Variants in ARSJ observed in about 807,000 individuals in gnomAD.
ARSJ encodes arylsulfatase J.
In ARSJ, 26 loss-of-function variants were observed where a neutral mutation model predicts 35.9. That is an observed-to-expected ratio of 0.72 (90% CI 0.53 to 1.00). The LOEUF is 1.00. ARSJ is among the 50% of genes least tolerant of loss of function. The pLI, the probability that ARSJ is intolerant of heterozygous loss-of-function variation, is 0.00. For synonymous variants in ARSJ, 294 were observed against 267.6 expected (o/e 1.10, Z -0.96); for missense variants, 667 against 723.6 (o/e 0.92, Z 0.90).
intron 1 of ARSJ, among the ~76,000 whole-genome samples, chr4:113,916,916 G>A (rs917406043): frequency 2.4e-4 from 37 of 152,154 alleles, no homozygotes; most frequent in African/African-American, 8.0e-4. Flanking sequence ...TAACAAGGAG[G>A]ATAGGTGCTG....
At chr4:113,940,003 G>C (rs1052283156) in intron 1 of ARSJ, among the ~76,000 whole-genome samples, 5 of 152,064 alleles carry the variant, frequency 3.3e-5, no homozygotes, top group Admixed American at 1.3e-4. Context: ...AGATGCTGGC[G>C]AGGCTGTGGA....
chr4:113,914,605 T>G (rs1305006306), intron 1 of ARSJ, among the ~76,000 whole-genome samples: 2 of 152,204 alleles, frequency 1.3e-5, no homozygotes, highest in Admixed American at 1.3e-4. Context: ...ATGAAAGTAT[T>G]TCATGTCAAA....
At position 113,900,537 on chromosome 4, in the gene ARSJ, T is replaced by C. The variant is rs1029262832; in HGVS notation, c.*1737A>G. On this transcript the variant is annotated 3_prime_UTR_variant, in exon 2 of 2. Coordinates refer to ENST00000315366, the MANE Select transcript of ARSJ (RefSeq NM_024590.4). ...ATGGATTATATCACAGTCCTTTGAGTTGTGATATAAATGGATTATATCACA... is the reference window on the plus strand; with the variant it reads ...ATGGATTATATCACAGTCCTTTGAGCTGTGATATAAATGGATTATATCACA... 3.9e-5 allele frequency: 6 copies of C among 152,138 alleles called. No individual in the cohort carries two copies. Among genetic ancestry groups the C allele is most frequent in the African/African-American group, 1.4e-4 (6 of 41,440 alleles). 9.4% of individuals were successfully genotyped at this position (152,138 alleles called of 1,614,324 possible).
intron 1 of ARSJ, among the ~76,000 whole-genome samples, chr4:113,908,223 A>G (rs2099669355): frequency 6.6e-6 from 1 of 152,240 alleles, no homozygotes; most frequent in Admixed American, 6.5e-5. Flanking sequence ...GGATCTCAGG[A>G]TTAAAATGGA....
chr4:113,926,542 G>A (rs1455077185), intron 1 of ARSJ, among the ~76,000 whole-genome samples: 1 of 152,148 alleles, frequency 6.6e-6, no homozygotes, highest in East Asian at 1.9e-4. Context: ...AAGGCCATTG[G>A]TGCATGCTGG....
At position 113,901,275 on chromosome 4, in the gene ARSJ, A is replaced by T. The variant is rs923907462; in HGVS notation, c.*999T>A. The T allele has an allele frequency of 3.3e-5, 5 of 152,198 alleles. No individual in the cohort carries two copies. The highest frequency in any genetic ancestry group is 1.2e-4 in the African/African-American group (5 of 41,458). 9.4% of individuals were successfully genotyped at this position (152,198 alleles called of 1,614,324 possible). ...TTGTCTCAACTCTGCACAAACATTGAATTTCCAAGTAATTTGTAAGGAATA... is the reference window on the plus strand; with the variant it reads ...TTGTCTCAACTCTGCACAAACATTGTATTTCCAAGTAATTTGTAAGGAATA... On this transcript the variant is annotated 3_prime_UTR_variant, in exon 2 of 2. Transcript: ENST00000315366.
intron 1 of ARSJ, chr4:113,906,878 C>A: frequency 3.1e-6 from 1 of 323,852 alleles, no homozygotes; most frequent in South Asian, 2.5e-5. Context: ...GTGTCACTAA[C>A]ATTTGCATAA....
intron 1 of ARSJ, among the ~76,000 whole-genome samples, chr4:113,911,855 G>A (rs1472776897): frequency 6.6e-6 from 1 of 152,152 alleles, no homozygotes; most frequent in Non-Finnish European, 1.5e-5. Context: ...GTGAGATGAT[G>A]AGTGTGTTAA....
In ARSJ at chr4:113,903,338, C is replaced by T. The variant is rs368878999; in HGVS notation, c.736G>A (p.Val246Ile). 50 of 1,614,004 alleles carry T rather than the reference C, an allele frequency of 3.1e-5. No individual in the cohort carries two copies. Among genetic ancestry groups the T allele is most frequent in the Non-Finnish European group, 4.2e-5 (49 of 1,180,028 alleles). The change falls in exon 2 of 2, where the codon GTA (valine) becomes ATA (isoleucine). Residue 246 changes from valine to isoleucine, a missense_variant. By Grantham distance (29) the Val-to-Ile change is conservative. Transcript: ENST00000315366. ...TTATGGGAAGCTAAGATTTGCTGTA[C>T]TCTCTGAGTGTACATCTGTGTGGAG... Reference protein sequence around the residue: ...IYSTQMYTQRVQQILASHNPT... With the variant: ...IYSTQMYTQRIQQILASHNPT...
At chr4:113,949,814 T>C (rs1391675444) in intron 1 of ARSJ, among the ~76,000 whole-genome samples, 1 of 152,136 alleles carries the variant, frequency 6.6e-6, no homozygotes, top group African/African-American at 2.4e-5. Flanking sequence ...TCACTGTTAA[T>C]GCACTTTTGC....
chr4:113,974,334 C>T (rs74591136), intron 1 of ARSJ, among the ~76,000 whole-genome samples: 1 of 151,590 alleles, frequency 6.6e-6, no homozygotes, highest in Non-Finnish European at 1.5e-5. Flanking sequence ...ACCAAACACA[C>T]CAAAACCACT....
chr4:113,972,293 G>GAA (rs750176630), intron 1 of ARSJ, among the ~76,000 whole-genome samples: 10,240 of 60,986 alleles, frequency 0.17, 873 homozygotes, highest in African/African-American at 0.21. Flanking sequence ...AGATGATCTG[G>GAA]AAAAAAAAAA....
Position 113,948,459 on chromosome 4 carries a change from C to T in ARSJ, c.398+29978G>A, listed in dbSNP as rs79105179. On this transcript the variant is annotated intron_variant, in intron 1 of 1. Coordinates refer to ENST00000315366, the MANE Select transcript of ARSJ (RefSeq NM_024590.4). ...AAAGATTTGAGTATTCTCTGGAACC[C>T]TAAAGGTATATTAAGTGTCATATTT... Among the ~76,000 whole-genome samples the T allele has an allele frequency of 5.7e-3, 864 of 152,162 alleles. 3 individuals are homozygous for T. The highest frequency in any genetic ancestry group is 8.7e-3 in the Non-Finnish European group (590 of 67,986).
intron 1 of ARSJ, among the ~76,000 whole-genome samples, chr4:113,908,426 G>GA (rs1293809491): frequency 6.6e-6 from 1 of 152,116 alleles, no homozygotes; most frequent in Non-Finnish European, 1.5e-5. Context: ...CAAGATGTAA[G>GA]AAAATCTAAC....
At chr4:113,904,002 A>C (rs976838004) in intron 1 of ARSJ, among the ~76,000 whole-genome samples, 6 of 152,178 alleles carry the variant, frequency 3.9e-5, no homozygotes, top group Admixed American at 1.3e-4. Flanking sequence ...GGCTCACTGC[A>C]ACTTTCACCT....
intron 1 of ARSJ, among the ~76,000 whole-genome samples, chr4:113,945,295 C>T (rs1725405658): frequency 6.6e-6 from 1 of 151,994 alleles, no homozygotes; most frequent in East Asian, 1.9e-4. Flanking sequence ...CCATCACACC[C>T]AGCTAATTGT....
chr4:113,935,045 A>T (rs1724682588), intron 1 of ARSJ, among the ~76,000 whole-genome samples: 1 of 151,832 alleles, frequency 6.6e-6, no homozygotes, highest in African/African-American at 2.4e-5. Flanking sequence ...TGATTCTCAA[A>T]CTTTCCCTAA....
chr4:113,912,531 G>A (rs897988183), intron 1 of ARSJ, among the ~76,000 whole-genome samples: 2 of 152,128 alleles, frequency 1.3e-5, no homozygotes, highest in Non-Finnish European at 2.9e-5. Context: ...GGGACTATAA[G>A]TGCTGATGTA....
intron 1 of ARSJ, among the ~76,000 whole-genome samples, chr4:113,962,469 G>A (rs1000217209): frequency 1.1e-4 from 16 of 148,596 alleles, no homozygotes; most frequent in African/African-American, 3.7e-4. Flanking sequence ...ATACATGTCT[G>A]CTGGAGCAGG....
Sources: allele counts gnomAD v4.1 joint callset (sites outside exome capture counted in the v4.1 genomes callset), GRCh38; gene constraint gnomAD v4.1.1; transcripts MANE v1.5; gene names NCBI Gene and HGNC (gene_info 2026-07-23, HGNC 2026-07-21).